The following ITGAL variants were observed in gnomAD, a reference collection of about 807,000 sequenced individuals.
ITGAL encodes the protein integrin subunit alpha L.
A neutral mutation model predicts 138.4 loss-of-function variants in ITGAL; 68 were observed. The observed-to-expected ratio is 0.49, with a 90% CI of 0.40 to 0.60. ITGAL has a LOEUF of 0.60. ITGAL is among the 20% of genes least tolerant of loss of function. ITGAL has a pLI of 0.00. For synonymous variants in ITGAL, 561 were observed against 584.3 expected, an observed-to-expected ratio of 0.96 and a Z score of 0.57; for missense variants, 1,256 against 1,478.6, an observed-to-expected ratio of 0.85 and a Z score of 2.47.
intron 26 of ITGAL, 62 bp from the exon 27 acceptor site, chr16:30,517,587 G>A: frequency 1.4e-6 from 2 of 1,401,792 alleles, no homozygotes; most frequent in South Asian, 1.2e-5. Flanking sequence ...GGGAAAGCTG[G>A]GATGCCAGTG....
In ITGAL at chr16:30,518,615, C is replaced by T. The variant is rs750132889; in HGVS notation, c.3133-9C>T. 9.3e-6 allele frequency: 15 copies of T among 1,607,098 alleles called. No homozygotes were observed. The highest frequency in any genetic ancestry group is 1.6e-4 in the Middle Eastern group (1 of 6,076). The stretch of plus-strand genomic sequence containing the variant: ...TCCCGGGTTCTGACGCCTTTCCCCG[C>T]TCCCACAGGCCTCTTCCATGTTCAG... On this transcript the variant is annotated splice_polypyrimidine_tract_variant and intron_variant, in intron 28 of 30. Coordinates refer to ENST00000356798, the MANE Select transcript of ITGAL (RefSeq NM_002209.3).
Position 30,506,793 on chromosome 16 carries a change from C to T in ITGAL, c.2445C>T (p.Tyr815=). 6.2e-7 allele frequency: 1 copy of T among 1,613,950 alleles called. No individual in the cohort carries two copies. Among genetic ancestry groups the T allele is most frequent in the Non-Finnish European group, 8.5e-7 (1 of 1,179,904 alleles). ...LSLSNLEEDA[Y]WVQLDLHFPP... ...TGAGTAACTTGGAAGAAGATGCTTA[C>T]TGGGTCCAGCTGGACCTGCACTTCC... is the stretch of plus-strand genomic sequence containing the variant. The change falls in exon 21 of 31, where the codon TAC becomes TAT. Residue 815 remains tyrosine, a synonymous_variant. Transcript: ENST00000356798.
At chr16:30,507,752 G>T (rs1333663148) in intron 21 of ITGAL, among the ~76,000 whole-genome samples, 1 of 152,052 alleles carries the variant, frequency 6.6e-6, no homozygotes, top group Non-Finnish European at 1.5e-5. Flanking sequence ...CTCCCAAAGT[G>T]CTAGGATTAC....
chr16:30,499,509 T>TG lies in ITGAL; in HGVS notation c.2145+21dup. The TG allele has an allele frequency of 1.2e-6, 2 of 1,610,930 alleles. No homozygotes were observed. The highest frequency in any genetic ancestry group is 1.7e-6 in the Non-Finnish European group (2 of 1,178,450). On this transcript the variant is annotated intron_variant, in intron 17 of 30. Coordinates refer to ENST00000356798, the MANE Select transcript of ITGAL (RefSeq NM_002209.3). ...TTCCCGGTAAGGGAGCCAGCGCCAA[T>TG]GCTCTGGGATGAGCTACCTGCAGGG...
At chr16:30,511,920 G>A (rs142007598) in intron 24 of ITGAL, among the ~76,000 whole-genome samples, 5 of 152,308 alleles carry the variant, frequency 3.3e-5, no homozygotes, top group African/African-American at 9.6e-5. Context: ...GTGAACTAGT[G>A]TTCTAAAGGA....
chr16:30,497,883 G>A (rs917659477), intron 15 of ITGAL, among the ~76,000 whole-genome samples: 2 of 151,396 alleles, frequency 1.3e-5, no homozygotes, highest in East Asian at 2.0e-4. Flanking sequence ...GGAGGTCGAG[G>A]TTGCAGTGAG....
In ITGAL at chr16:30,517,921, G is replaced by T. The variant is rs1169706912; in HGVS notation, c.3132+26G>T. 3.7e-6 allele frequency: 6 copies of T among 1,607,560 alleles called. No individual in the cohort carries two copies. The South Asian group carries it at 6.6e-5, about 18-fold the overall frequency. ...GTAGTCCCCGCTCCTAAGAGATGTG[G>T]AGCTGCTGTGGGGGCCCCAATGCCT... On this transcript the variant is annotated intron_variant, in intron 28 of 30. Transcript: ENST00000356798.
chr16:30,481,167 C>G, intron 6 of ITGAL: 1 of 376,520 alleles, frequency 2.7e-6, no homozygotes, highest in Non-Finnish European at 4.9e-6. Flanking sequence ...CACACACACA[C>G]ACACACACAC....
Position 30,479,648 on chromosome 16 carries a change from CTTTTTTTTTTTTTTT to C in ITGAL, c.576+202_576+216del, listed in dbSNP as rs59770529. ...TAGGAGTCTCTCTAGTTCTCATTTCCTTTTTTTTTTTTTTTTTTTTTTTTTTTTTGAGATGGAGTT... is the reference window on the plus strand; with the variant it reads ...TAGGAGTCTCTCTAGTTCTCATTTCCTTTTTTTTTTTTTTGAGATGGAGTT... On this transcript the variant is annotated intron_variant, in intron 6 of 30. Coordinates refer to ENST00000356798, the MANE Select transcript of ITGAL (RefSeq NM_002209.3). 9.6e-5 allele frequency among the ~76,000 whole-genome samples: 7 copies of C among 72,862 alleles called. No individual in the cohort carries two copies. The South Asian group carries it at 2.6e-3, about 27-fold the overall frequency. 47.8% of individuals were successfully genotyped at this position (72,862 alleles called of 152,430 possible). A position where few individuals can be genotyped will look rare whatever the true frequency, so the allele number is the denominator to read the frequency against.
chr16:30,499,730 TA>T (rs1161663689), intron 17 of ITGAL, among the ~76,000 whole-genome samples: 1,336 of 106,144 alleles, frequency 0.013, 70 homozygotes, highest in African/African-American at 0.053. Context: ...TATATATATA[TA>T]TATTTTTTTT....
intron 9 of ITGAL, chr16:30,488,806 G>T (rs2050683357): frequency 2.3e-6 from 1 of 441,884 alleles, no homozygotes; most frequent in South Asian, 2.2e-5. Flanking sequence ...GAGCTTGGGT[G>T]GTTGAGGCTG....
At chr16:30,493,785 G>A (rs977105497) in intron 11 of ITGAL, among the ~76,000 whole-genome samples, 1 of 152,106 alleles carries the variant, frequency 6.6e-6, no homozygotes, top group African/African-American at 2.4e-5. Flanking sequence ...CCAGCTATTT[G>A]GGAGGTTGAG....
chr16:30,519,877 G>T lies in ITGAL; in HGVS notation c.3249G>T (p.Val1083=). ...CCCAGGTTGTCATGAAGGTTGACGT[G>T]GTGTATGAGAAGCAGATGCTCTACC... is the stretch of plus-strand genomic sequence containing the variant. ...SLAQVVMKVD[V]VYEKQMLYLY... Residue 1083 remains valine, a synonymous_variant, in exon 30 of 31, where the codon GTG becomes GTT. Transcript: ENST00000356798. The T allele has an allele frequency of 6.2e-7, 1 of 1,613,656 alleles. No homozygotes were observed. The highest frequency in any genetic ancestry group is 8.5e-7 in the Non-Finnish European group (1 of 1,179,632).
chr16:30,517,143 A>G lies in ITGAL; in HGVS notation c.2976+57A>G, dbSNP rs1030216316. 10 of 1,176,288 alleles carry G rather than the reference A, an allele frequency of 8.5e-6. 1 individual carries two copies. The highest frequency in any genetic ancestry group is 1.2e-6 in the Non-Finnish European group (1 of 811,286). 72.9% of individuals were successfully genotyped at this position (1,176,288 alleles called of 1,614,324 possible). A position where few individuals can be genotyped will look rare whatever the true frequency, so the allele number is the denominator to read the frequency against. ...CTCCTCAGGTCTTGGGGGTGAGTGC[A>G]TTTGAGGGTACAGAGGGCAGGGCTT... On this transcript the variant is annotated intron_variant, in intron 26 of 30. Coordinates refer to ENST00000356798, the MANE Select transcript of ITGAL (RefSeq NM_002209.3).
At chr16:30,481,360 A>G (rs919749975) in intron 6 of ITGAL, 79 bp from the exon 7 acceptor site, 4 of 1,048,370 alleles carry the variant, frequency 3.8e-6, no homozygotes, top group South Asian at 3.5e-5. Context: ...AAAAAAAAAA[A>G]AAAAAAAGAA....
intron 22 of ITGAL, 41 bp downstream of exon 22, chr16:30,510,512 C>T (rs1848508266): frequency 1.7e-6 from 2 of 1,198,030 alleles, no homozygotes; most frequent in African/African-American, 1.5e-5. Flanking sequence ...AGCCTAGGGG[C>T]CCTGAGCTGG....
intron 21 of ITGAL, among the ~76,000 whole-genome samples, chr16:30,509,191 A>AAG (rs1240236042): frequency 9.8e-4 from 147 of 149,948 alleles, no homozygotes; most frequent in African/African-American, 1.2e-3. Flanking sequence ...AAAAAAAAAA[A>AAG]AGAGAGAGAG....
Position 30,506,827 on chromosome 16 carries a change from C to T in ITGAL, c.2479C>T (p.Leu827Phe), listed in dbSNP as rs757804459. Reference sequence around the variant, plus strand: ...GCTGGACCTGCACTTCCCCCCGGGACTCTCCTTCCGCAAGGTGGAGATGCT... The same window carrying T: ...GCTGGACCTGCACTTCCCCCCGGGATTCTCCTTCCGCAAGGTGGAGATGCT... ...VQLDLHFPPG[L>F]SFRKVEMLKP... The change falls in exon 21 of 31, where the codon CTC becomes TTC. Residue 827 changes from leucine (L) to phenylalanine (F), a missense_variant. Leu to Phe is a conservative substitution (Grantham distance 22). Coordinates refer to ENST00000356798, the MANE Select transcript of ITGAL (RefSeq NM_002209.3). 6.2e-7 allele frequency: 1 copy of T among 1,614,012 alleles called. No homozygotes were observed. Among genetic ancestry groups the T allele is most frequent in the Non-Finnish European group, 8.5e-7 (1 of 1,179,912 alleles).
Position 30,504,215 on chromosome 16 carries a change from T to C in ITGAL, c.2186T>C (p.Leu729Pro). The C allele has an allele frequency of 6.2e-7, 1 of 1,613,718 alleles. No homozygotes were observed. The highest frequency in any genetic ancestry group is 8.5e-7 in the Non-Finnish European group (1 of 1,179,656). ...QDLISPINVSLNFSLWEEEGT... is the reference protein window; with the variant it reads ...QDLISPINVSPNFSLWEEEGT... Reference sequence around the variant, plus strand: ...CTCATCTCCCCCATCAATGTTTCCCTGAATTTCTCTCTTTGGGAGGAGGAA... The same window carrying C: ...CTCATCTCCCCCATCAATGTTTCCCCGAATTTCTCTCTTTGGGAGGAGGAA... Residue 729 changes from leucine to proline, a missense_variant, in exon 18 of 31, where the codon CTG (leucine) becomes CCG (proline). Physicochemically the swap from Leu to Pro is moderately conservative, Grantham distance 98. Around this residue, in one of 3 missense-constraint regions of ITGAL, gnomAD observed 867 missense variants for 972.5 expected, o/e 0.89. Transcript: ENST00000356798.
Sources: gnomAD v4.1 joint callset for allele counts (sites outside exome capture counted in the v4.1 genomes callset) on GRCh38, gnomAD v4.1.1 for gene constraint, gnomAD v4.1.1 regional missense constraint, MANE v1.5 for transcripts, NCBI Gene and HGNC (gene_info 2026-07-23, HGNC 2026-07-21) for gene names.